Variants in SLC17A1 observed in about 807,000 individuals in gnomAD.
The protein encoded by SLC17A1 is sodium-dependent phosphate transport protein 1.
A neutral mutation model predicts 53.5 loss-of-function variants in SLC17A1; 51 were observed. The ratio of observed to expected loss-of-function variants is 0.95; its 90% CI spans 0.76 to 1.20. The LOEUF is 1.20. Among genes scored for constraint, SLC17A1 ranks in the 50% most tolerant of loss-of-function variants. The pLI, the probability that SLC17A1 is intolerant of heterozygous loss-of-function variation, is 0.00. For synonymous variants in SLC17A1, 179 were observed against 198.8 expected (o/e 0.90, Z 0.84); for missense variants, 538 against 568.2 (o/e 0.95, Z 0.54).
chr6:25,726,724 G>T, the SLC17A1 span: 7 of 1,057,538 alleles, frequency 6.6e-6, no homozygotes, highest in Non-Finnish European at 9.6e-6. Flanking sequence ...GATACCGAAC[G>T]CGGCGTTTGA....
In SLC17A1 at chr6:25,811,787, A is replaced by G; in HGVS notation, c.898-17T>C. Reference sequence around the variant, plus strand: ...GAACCCATTCTGAAGAGGAAACATTATTCTTGGAGTGAGTTTGATGGGTAA... The same window carrying G: ...GAACCCATTCTGAAGAGGAAACATTGTTCTTGGAGTGAGTTTGATGGGTAA... On this transcript the variant is annotated splice_polypyrimidine_tract_variant and intron_variant, in intron 8 of 12. Coordinates refer to ENST00000244527, the MANE Select transcript of SLC17A1 (RefSeq NM_005074.5). 1 of 1,613,348 alleles carries G rather than the reference A, an allele frequency of 6.2e-7. No homozygotes were observed. The highest frequency in any genetic ancestry group is 8.5e-7 in the Non-Finnish European group (1 of 1,179,546).
intron 1 of SLC17A1, among the ~76,000 whole-genome samples, chr6:25,831,184 T>A (rs986642465): frequency 1.3e-5 from 2 of 152,162 alleles, no homozygotes; most frequent in African/African-American, 2.4e-5. Flanking sequence ...GAGCAGCCAC[T>A]GATGCAAAGC....
the SLC17A1 span, among the ~76,000 whole-genome samples, chr6:25,760,363 G>A: frequency 0.3 from 45,332 of 151,920 alleles, 7,740 homozygotes; most frequent in East Asian, 0.74. Flanking sequence ...CTCCCCTTCT[G>A]TAAGTGATCT....
chr6:25,752,678 T>C, the SLC17A1 span, among the ~76,000 whole-genome samples: 148,836 of 152,292 alleles, frequency 0.98, 72,814 homozygotes, highest in East Asian at 1. Context: ...TTAGGCCGGG[T>C]GCGGTGGCTC....
At chr6:25,746,910 A>C in the SLC17A1 span, among the ~76,000 whole-genome samples, 1 of 152,236 alleles carries the variant, frequency 6.6e-6, no homozygotes, top group African/African-American at 2.4e-5. Flanking sequence ...TTTTAGTCAC[A>C]AAGTAGGAAA....
the SLC17A1 span, among the ~76,000 whole-genome samples, chr6:25,734,694 T>C: frequency 6.6e-6 from 1 of 152,224 alleles, no homozygotes; most frequent in Non-Finnish European, 1.5e-5. Context: ...AATGCAAACC[T>C]GTTTGCTAAA....
At chr6:25,795,356 A>G (rs1036706781) in intron 12 of SLC17A1, among the ~76,000 whole-genome samples, 1 of 152,222 alleles carries the variant, frequency 6.6e-6, no homozygotes, top group Non-Finnish European at 1.5e-5. Context: ...GAAAAAAAGC[A>G]GAAAAAGAAT....
At chr6:25,757,985 G>A in the SLC17A1 span, among the ~76,000 whole-genome samples, 2 of 152,282 alleles carry the variant, frequency 1.3e-5, no homozygotes, top group African/African-American at 2.4e-5. Context: ...TGAGTCATCC[G>A]TATCTGGTTC....
the SLC17A1 span, among the ~76,000 whole-genome samples, chr6:25,757,644 C>T: frequency 1.3e-5 from 2 of 152,098 alleles, no homozygotes; most frequent in African/African-American, 4.8e-5. Context: ...ACTCCTCTCA[C>T]CCCTCTTGCT....
chr6:25,762,097 C>G, the SLC17A1 span: 23 of 1,528,754 alleles, frequency 1.5e-5, no homozygotes, highest in East Asian at 5.3e-4. Context: ...AAACTAGGAT[C>G]TGTGGCACTG....
chr6:25,755,289 G>A, the SLC17A1 span, among the ~76,000 whole-genome samples: 22 of 152,096 alleles, frequency 1.4e-4, no homozygotes, highest in Middle Eastern at 3.2e-3. Flanking sequence ...GCGAATTTAT[G>A]GGAAAGCAAA....
rs1406494654 is a variant in SLC17A1 at position 25,783,056 on chromosome 6, G to C, written c.*165C>G. ...TTACAAACAACACATGTTAAAAAAC[G>C]ATGCACACAGGATATGTGGGAGGGT... On this transcript the variant is annotated 3_prime_UTR_variant, in exon 13 of 13. Transcript: ENST00000244527. 1 of 152,068 alleles carries C rather than the reference G, an allele frequency of 6.6e-6. No homozygotes were observed. Among genetic ancestry groups the C allele is most frequent in the African/African-American group, 2.4e-5 (1 of 41,398 alleles). 9.4% of individuals were successfully genotyped at this position (152,068 alleles called of 1,614,324 possible).
At chr6:25,803,918 A>T (rs1207493038) in intron 10 of SLC17A1, among the ~76,000 whole-genome samples, 1 of 152,176 alleles carries the variant, frequency 6.6e-6, no homozygotes, top group Non-Finnish European at 1.5e-5. Flanking sequence ...GAAAAAAATC[A>T]TCAGAGAGAA....
chr6:25,732,090 T>C, the SLC17A1 span: 1 of 1,018,832 alleles, frequency 9.8e-7, no homozygotes, highest in Non-Finnish European at 1.4e-6. Context: ...TTTGTCCTCC[T>C]TCGAGTTTTA....
At chr6:25,822,490 T>C (rs533804172) in intron 3 of SLC17A1, among the ~76,000 whole-genome samples, 83 of 152,348 alleles carry the variant, frequency 5.4e-4, no homozygotes, top group African/African-American at 1.9e-3. Flanking sequence ...TTAGAATAAT[T>C]ATGTATTCTA....
chr6:25,826,376 A>G (rs1764740338), intron 3 of SLC17A1, 85 bp downstream of exon 3: 2 of 1,057,940 alleles, frequency 1.9e-6, no homozygotes, highest in Middle Eastern at 2.2e-4. Context: ...ATATAGTATC[A>G]TATCAGTACA....
the SLC17A1 span, among the ~76,000 whole-genome samples, chr6:25,734,545 C>A: frequency 6.6e-6 from 1 of 152,258 alleles, no homozygotes; most frequent in East Asian, 1.9e-4. Flanking sequence ...CTACTAAGTG[C>A]AGCACATTCT....
the SLC17A1 span, among the ~76,000 whole-genome samples, chr6:25,733,402 T>A: frequency 6.6e-6 from 1 of 152,112 alleles, no homozygotes; most frequent in Non-Finnish European, 1.5e-5. Flanking sequence ...TGGACATCAG[T>A]CAAGGAATGG....
chr6:25,732,148 A>C, the SLC17A1 span: 1 of 463,242 alleles, frequency 2.2e-6, no homozygotes, highest in Admixed American at 3.6e-5. Flanking sequence ...TGCCCTTTGA[A>C]GCAAGCTCCA....
Sources: gnomAD v4.1 joint callset for allele counts (sites outside exome capture counted in the v4.1 genomes callset) on GRCh38, gnomAD v4.1.1 for gene constraint, MANE v1.5 for transcripts, NCBI Gene and HGNC (gene_info 2026-07-23, HGNC 2026-07-21) for gene names.